SLC44A5: variants seen among roughly 807,000 people sequenced by gnomAD.
SLC44A5 encodes choline transporter-like protein 5.
In SLC44A5, 57 loss-of-function variants were observed where a neutral mutation model predicts 101.8. That is an observed-to-expected ratio of 0.56 (90% confidence interval 0.45 to 0.70). The LOEUF (loss-of-function observed/expected upper bound fraction) is 0.70, where lower values mean the gene tolerates loss of function less well. Among genes scored for constraint, SLC44A5 ranks in the 30% least tolerant of loss-of-function variants. SLC44A5 has a pLI of 0.00. For missense variants in SLC44A5, 737 were observed against 853.1 expected, an observed-to-expected ratio of 0.86 and a Z score of 1.70; for synonymous variants, 281 against 290.9, an observed-to-expected ratio of 0.97 and a Z score of 0.35.
At chr1:75,449,666 G>GTTT (rs533198961) in intron 2 of SLC44A5, among the ~76,000 whole-genome samples, 1 of 151,928 alleles carries the variant, frequency 6.6e-6, no homozygotes. Context: ...AAGACGAGTG[G>GTTT]TTTTTTTTCC....
At chr1:75,340,070 C>T (rs754747592) in intron 3 of SLC44A5, among the ~76,000 whole-genome samples, 1 of 152,074 alleles carries the variant, frequency 6.6e-6, no homozygotes, top group Non-Finnish European at 1.5e-5. Flanking sequence ...GAGTTTCCTT[C>T]GAGAAGTTCA....
chr1:75,498,956 G>T (rs566624299), intron 2 of SLC44A5, among the ~76,000 whole-genome samples: 107 of 152,300 alleles, frequency 7.0e-4, no homozygotes, highest in African/African-American at 2.6e-3. Flanking sequence ...CCACATATAT[G>T]AAGGAGGTCC....
chr1:75,646,124 T>C, the SLC44A5 span, among the ~76,000 whole-genome samples: 1 of 135,408 alleles, frequency 7.4e-6, no homozygotes, highest in Non-Finnish European at 1.6e-5. Context: ...GGCTCTTTTT[T>C]GGTTCCATAT....
chr1:75,218,630 G>A lies in SLC44A5; in HGVS notation c.1389C>T (p.Val463=). 1 of 1,613,878 alleles carries A rather than the reference G, an allele frequency of 6.2e-7. No homozygotes were observed. Residue 463 remains valine (V), a synonymous_variant, in exon 17 of 24, where the codon GTC becomes GTT. Transcript: ENST00000370859. ...TGACGAAGTTTATAAGCCAGAGAAA[G>A]ACAAATAAGTTGTATACATGGAAGG... The part of the protein sequence containing the change: ...IPTFHVYNLF[V]FLWLINFVIA...
the SLC44A5 span, among the ~76,000 whole-genome samples, chr1:75,680,622 G>A: frequency 1.3e-5 from 2 of 150,996 alleles, no homozygotes; most frequent in Admixed American, 6.6e-5. Context: ...GTGTGTAGAG[G>A]GAAATTTATA....
chr1:75,458,715 T>C (rs1666328550), intron 2 of SLC44A5, among the ~76,000 whole-genome samples: 1 of 152,198 alleles, frequency 6.6e-6, no homozygotes, highest in Non-Finnish European at 1.5e-5. Flanking sequence ...AGGGAATATC[T>C]CTTATACTTT....
intron 2 of SLC44A5, among the ~76,000 whole-genome samples, chr1:75,499,031 A>G (rs1043050894): frequency 1.3e-5 from 2 of 152,182 alleles, no homozygotes; most frequent in Non-Finnish European, 2.9e-5. Flanking sequence ...AATACTTACC[A>G]CAGTGTCCTA....
Position 75,233,981 on chromosome 1 carries a change from C to T in SLC44A5, c.853+5G>A. 6.3e-7 allele frequency: 1 copy of T among 1,582,896 alleles called. No individual in the cohort carries two copies. The highest frequency in any genetic ancestry group is 1.1e-5 in the South Asian group (1 of 90,090). ...TTTGATAATTTGAAGAGGAGTGATA[C>T]CTACCATAACCTATAATTCCAATCA... On this transcript the variant is annotated splice_donor_5th_base_variant and intron_variant, in intron 12 of 23. Transcript: ENST00000370859.
At chr1:75,446,186 T>A (rs753776648) in intron 2 of SLC44A5, among the ~76,000 whole-genome samples, 3 of 152,164 alleles carry the variant, frequency 2.0e-5, no homozygotes, top group Non-Finnish European at 4.4e-5. Context: ...AGTCACATAG[T>A]CTCTTGTTCA....
At chr1:75,251,417 T>C in intron 6 of SLC44A5, 123 bp from the exon 7 acceptor site, 1 of 681,990 alleles carries the variant, frequency 1.5e-6, no homozygotes, top group Non-Finnish European at 2.5e-6. Flanking sequence ...GAGGCTGAAA[T>C]ATATTCTCCC....
intron 6 of SLC44A5, among the ~76,000 whole-genome samples, chr1:75,254,043 C>CTT (rs562073781): frequency 6.8e-6 from 1 of 146,736 alleles, no homozygotes; most frequent in Non-Finnish European, 1.5e-5. Flanking sequence ...GGGACCACAA[C>CTT]TTTTTTTTTT....
At chr1:75,359,599 A>G (rs1226502023) in intron 3 of SLC44A5, among the ~76,000 whole-genome samples, 1 of 152,090 alleles carries the variant, frequency 6.6e-6, no homozygotes, top group Non-Finnish European at 1.5e-5. Flanking sequence ...ATTCCTTATC[A>G]TGGCTGTTAT....
intron 3 of SLC44A5, among the ~76,000 whole-genome samples, chr1:75,367,758 G>A (rs2101148784): frequency 6.6e-6 from 1 of 152,334 alleles, no homozygotes; most frequent in African/African-American, 2.4e-5. Flanking sequence ...CAGTGAGCCT[G>A]CCACCTGGGC....
At chr1:75,352,148 G>A (rs540242625) in intron 3 of SLC44A5, among the ~76,000 whole-genome samples, 1 of 152,010 alleles carries the variant, frequency 6.6e-6, no homozygotes, top group Non-Finnish European at 1.5e-5. Context: ...TAAATTCTGT[G>A]TTTTAAGATA....
chr1:75,458,349 A>G (rs1471724889), intron 2 of SLC44A5, among the ~76,000 whole-genome samples: 1 of 152,198 alleles, frequency 6.6e-6, no homozygotes, highest in Non-Finnish European at 1.5e-5. Context: ...CTGACTATTG[A>G]AGGGGAATTA....
chr1:75,214,858 A>T (rs187803005), intron 19 of SLC44A5, among the ~76,000 whole-genome samples, 180 bp from the exon 20 acceptor site: 1 of 152,258 alleles, frequency 6.6e-6, no homozygotes, highest in Non-Finnish European at 1.5e-5. Context: ...CACAACTCTC[A>T]GTGTCATTGA....
chr1:75,654,415 C>T, the SLC44A5 span, among the ~76,000 whole-genome samples: 1 of 152,168 alleles, frequency 6.6e-6, no homozygotes, highest in African/African-American at 2.4e-5. Flanking sequence ...ATCATATGCT[C>T]AATTGATGCA....
At chr1:75,530,226 T>C (rs998991933) in intron 2 of SLC44A5, among the ~76,000 whole-genome samples, 1 of 152,136 alleles carries the variant, frequency 6.6e-6, no homozygotes, top group Admixed American at 6.6e-5. Flanking sequence ...ATTATCTGGC[T>C]TACTGCCCAA....
At chr1:75,490,924 CT>C (rs945125080) in intron 2 of SLC44A5, among the ~76,000 whole-genome samples, 4 of 151,432 alleles carry the variant, frequency 2.6e-5, no homozygotes, top group African/African-American at 9.7e-5. Flanking sequence ...AGTAAATCTA[CT>C]TTTTTAAAAA....
Sources: gnomAD v4.1 joint callset for allele counts (sites outside exome capture counted in the v4.1 genomes callset) on GRCh38, gnomAD v4.1.1 for gene constraint, MANE v1.5 for transcripts, NCBI Gene and HGNC (gene_info 2026-07-23, HGNC 2026-07-21) for gene names.